MRPS6: variants seen among roughly 807,000 people sequenced by gnomAD.
MRPS6 encodes the protein mitochondrial ribosomal protein S6, also known as small ribosomal subunit protein bS6m.
A neutral mutation model predicts 13.1 loss-of-function variants in MRPS6; 6 were observed. That is an observed-to-expected ratio of 0.46 (90% confidence interval 0.25 to 0.91). The LOEUF (loss-of-function observed/expected upper bound fraction) is 0.91, where lower values mean the gene tolerates loss of function less well. MRPS6 is among the 40% of genes least tolerant of loss of function. The probability of loss-of-function intolerance (pLI) is 0.18; values close to 1 mark genes in which losing one functional copy is unlikely to be tolerated. For synonymous variants in MRPS6, 61 were observed against 56.5 expected (o/e 1.08, Z -0.36); for missense variants, 164 against 155.6 (o/e 1.05, Z -0.29).
At chr21:34,142,380 A>G (rs773154546) in intron 2 of MRPS6, 28 bp from the exon 3 acceptor site, 238 of 1,545,380 alleles carry the variant, frequency 1.5e-4, no homozygotes, top group Non-Finnish European at 2.0e-4. Flanking sequence ...TCAAATGCAG[A>G]CACTCACAAG....
intron 1 of MRPS6, among the ~76,000 whole-genome samples, chr21:34,109,688 G>A (rs1354188264): frequency 3.3e-5 from 5 of 152,054 alleles, no homozygotes; most frequent in African/African-American, 1.2e-4. Context: ...TCCCAGAGGT[G>A]CCCAGTGTTG....
At chr21:34,133,776 C>A (rs1489151577) in intron 2 of MRPS6, among the ~76,000 whole-genome samples, 1 of 152,186 alleles carries the variant, frequency 6.6e-6, no homozygotes, top group Non-Finnish European at 1.5e-5. Context: ...GAGAGGAAGG[C>A]TTCTAGGGAA....
At chr21:34,075,077 C>T (rs962205324) in intron 1 of MRPS6, among the ~76,000 whole-genome samples, 1 of 152,140 alleles carries the variant, frequency 6.6e-6, no homozygotes, top group Admixed American at 6.5e-5. Flanking sequence ...TATGTAACTC[C>T]GAAAGGATAG....
chr21:34,110,850 C>T (rs979408663), intron 1 of MRPS6, among the ~76,000 whole-genome samples: 30 of 152,156 alleles, frequency 2.0e-4, no homozygotes, highest in Admixed American at 9.2e-4. Context: ...AGACCGATAG[C>T]GCTAGAACTC....
intron 1 of MRPS6, among the ~76,000 whole-genome samples, chr21:34,088,387 AGCCT>A (rs1978507005): frequency 6.6e-6 from 1 of 152,050 alleles, no homozygotes; most frequent in African/African-American, 2.4e-5. Context: ...CTGTATGTGA[AGCCT>A]ATGCCTGGGA....
At chr21:34,085,943 A>G (rs1978349109) in intron 1 of MRPS6, among the ~76,000 whole-genome samples, 1 of 152,188 alleles carries the variant, frequency 6.6e-6, no homozygotes, top group Non-Finnish European at 1.5e-5. Context: ...CTTTACACCT[A>G]ACTACAATTC....
chr21:34,076,212 C>T (rs927304284), intron 1 of MRPS6, among the ~76,000 whole-genome samples: 13 of 152,112 alleles, frequency 8.5e-5, no homozygotes, highest in Non-Finnish European at 1.0e-4. Context: ...GTTTTTTCTC[C>T]GCAGTACTCA....
At chr21:34,093,012 A>G (rs1978784040) in intron 1 of MRPS6, among the ~76,000 whole-genome samples, 1 of 152,226 alleles carries the variant, frequency 6.6e-6, no homozygotes, top group Non-Finnish European at 1.5e-5. Flanking sequence ...TTTCATTGTA[A>G]TTGACAAGCT....
chr21:34,122,711 T>C (rs1602956899), intron 1 of MRPS6: 2 of 145,930 alleles, frequency 1.4e-5, no homozygotes, highest in Admixed American at 6.6e-5. Context: ...ATCAAATGTT[T>C]TTTTCCTTTT....
intron 1 of MRPS6, among the ~76,000 whole-genome samples, chr21:34,109,150 T>G (rs753956256): frequency 4.6e-5 from 7 of 152,196 alleles, no homozygotes; most frequent in Non-Finnish European, 8.8e-5. Context: ...AGTCTCTTAT[T>G]CTTGTCTTAT....
chr21:34,133,940 T>C (rs1444308793), intron 2 of MRPS6, among the ~76,000 whole-genome samples: 2 of 151,904 alleles, frequency 1.3e-5, no homozygotes, highest in Non-Finnish European at 1.5e-5. Context: ...AAAGAGCAAA[T>C]GGATAAATGG....
Position 34,096,654 on chromosome 21 carries a change from A to G in MRPS6, c.45+22909A>G. 1 of 1,614,108 alleles carries G rather than the reference A, an allele frequency of 6.2e-7. No individual in the cohort carries two copies. Among genetic ancestry groups the G allele is most frequent in the Non-Finnish European group, 8.5e-7 (1 of 1,179,992 alleles). ...CTTTGTTCTTGGAGCAGTCCGTTTG[A>G]TACTGGCCTTTGCCTACCGTGCCCC... On this transcript the variant is annotated intron_variant, in intron 1 of 2. Coordinates refer to ENST00000399312, the MANE Select transcript of MRPS6 (RefSeq NM_032476.4). The surrounding 1 kb of genome is among the most constrained non-coding windows in gnomAD (Gnocchi z 5.9).
chr21:34,114,051 C>G (rs947393720), intron 1 of MRPS6, among the ~76,000 whole-genome samples: 1 of 152,154 alleles, frequency 6.6e-6, no homozygotes, highest in African/African-American at 2.4e-5. Flanking sequence ...TAGGCATTTC[C>G]TTTACTTGCT....
At chr21:34,108,790 ATAGGAATTTTCTAGCCTC>A (rs1979585971) in intron 1 of MRPS6, among the ~76,000 whole-genome samples, 3 of 152,330 alleles carry the variant, frequency 2.0e-5, no homozygotes, top group African/African-American at 7.2e-5. Flanking sequence ...TCATAAGACC[ATAGGAATTTTCTAGCCTC>A]TAGCCTCTGT....
At chr21:34,097,426 TG>T (rs772272746) in intron 1 of MRPS6, 33 of 1,356,824 alleles carry the variant, frequency 2.4e-5, no homozygotes, top group Non-Finnish European at 3.1e-5. Context: ...GTTATGTAAC[TG>T]TGCATCTCTC....
chr21:34,142,816 C>T lies in MRPS6; in HGVS notation c.*216C>T. 4.5e-6 allele frequency: 2 copies of T among 442,662 alleles called. No individual in the cohort carries two copies. The highest frequency in any genetic ancestry group is 3.8e-5 in the East Asian group (1 of 26,630). 27.4% of individuals were successfully genotyped at this position (442,662 alleles called of 1,614,324 possible). A position where few individuals can be genotyped will look rare whatever the true frequency, so the allele number is the denominator to read the frequency against. On this transcript the variant is annotated 3_prime_UTR_variant, in exon 3 of 3. Coordinates refer to ENST00000399312, the MANE Select transcript of MRPS6 (RefSeq NM_032476.4). ...TCTGTAACCTGCAGTACCAGTGGAT[C>T]GTTCTTGATTTTGTTTTCATTAGTG... is the stretch of plus-strand genomic sequence containing the variant.
intron 1 of MRPS6, chr21:34,097,531 A>C (rs1240305901): frequency 7.2e-7 from 1 of 1,383,784 alleles, no homozygotes; most frequent in Admixed American, 3.4e-5. Context: ...GGATTAAAGT[A>C]AATCTTCAAC....
chr21:34,081,996 A>C (rs1042078159), intron 1 of MRPS6, among the ~76,000 whole-genome samples: 1 of 150,914 alleles, frequency 6.6e-6, no homozygotes, highest in Non-Finnish European at 1.5e-5. Flanking sequence ...TGGTTTTGCC[A>C]GCTTTTTTTT....
intron 1 of MRPS6, chr21:34,122,993 T>A (rs575359457): frequency 6.6e-6 from 1 of 152,354 alleles, no homozygotes; most frequent in Admixed American, 6.5e-5. Flanking sequence ...CTTAGACTTT[T>A]TACCTACTGT....
Sources: allele counts gnomAD v4.1 joint callset (sites outside exome capture counted in the v4.1 genomes callset), GRCh38; gene constraint gnomAD v4.1.1; non-coding constraint Gnocchi (gnomAD v3.1); transcripts MANE v1.5; gene names NCBI Gene and HGNC (gene_info 2026-07-23, HGNC 2026-07-21).